The following PRDM16 variants were observed in gnomAD, a reference collection of about 807,000 sequenced individuals.
The protein encoded by PRDM16 is histone-lysine N-methyltransferase PRDM16.
Under a neutral mutation model 110.6 loss-of-function variants are expected in PRDM16, and 23 were observed. The ratio of observed to expected loss-of-function variants is 0.21; its 90% CI spans 0.15 to 0.29. PRDM16 has a LOEUF of 0.29. PRDM16 is among the 10% of genes least tolerant of loss of function. The pLI is 1.00. For synonymous variants in PRDM16, 799 were observed against 781.8 expected, an observed-to-expected ratio of 1.02 and a Z score of -0.37; for missense variants, 1,615 against 1,794.3, an observed-to-expected ratio of 0.90 and a Z score of 1.81.
At chr1:3,365,850 G>A (rs919485783) in intron 3 of PRDM16, among the ~76,000 whole-genome samples, 4 of 152,220 alleles carry the variant, frequency 2.6e-5, no homozygotes, top group African/African-American at 4.8e-5. Context: ...CTGCAGGGAC[G>A]ACTTTGAAGG....
chr1:3,158,734 T>C (rs1643876306), intron 1 of PRDM16, among the ~76,000 whole-genome samples: 1 of 151,764 alleles, frequency 6.6e-6, no homozygotes, highest in Non-Finnish European at 1.5e-5. Context: ...CTTTCTTCCC[T>C]TTCTTCCCTT....
At chr1:3,085,786 G>A (rs2742678) in intron 1 of PRDM16, among the ~76,000 whole-genome samples, 131,337 of 152,246 alleles carry the variant, frequency 0.86, 56,735 homozygotes, top group East Asian at 0.98. Flanking sequence ...GGTCGGGTGG[G>A]CAGCAGGTGG....
At chr1:3,410,229 A>C (rs1643661989) in intron 8 of PRDM16, among the ~76,000 whole-genome samples, 1 of 152,104 alleles carries the variant, frequency 6.6e-6, no homozygotes, top group African/African-American at 2.4e-5. Context: ...GGCAAAAGAC[A>C]AGCTGGTGAT....
At chr1:3,340,443 G>A (rs542449340) in intron 3 of PRDM16, among the ~76,000 whole-genome samples, 4 of 152,294 alleles carry the variant, frequency 2.6e-5, no homozygotes, top group Admixed American at 6.5e-5. Context: ...ACCCGCTCCC[G>A]GAGAGCCAGC....
chr1:3,180,555 C>T (rs957082844), intron 1 of PRDM16, among the ~76,000 whole-genome samples: 1 of 152,146 alleles, frequency 6.6e-6, no homozygotes, highest in African/African-American at 2.4e-5. Flanking sequence ...CCGAGGGCCG[C>T]AAAAGTAAAG....
At chr1:3,112,844 G>A (rs932213679) in intron 1 of PRDM16, among the ~76,000 whole-genome samples, 14 of 152,254 alleles carry the variant, frequency 9.2e-5, no homozygotes, top group Non-Finnish European at 2.1e-4. Context: ...AGCCCCGAGG[G>A]CCCGCCTGGG....
intron 2 of PRDM16, among the ~76,000 whole-genome samples, chr1:3,195,574 A>G (rs1244368341): frequency 6.6e-6 from 1 of 151,306 alleles, no homozygotes; most frequent in Non-Finnish European, 1.5e-5. Flanking sequence ...TGCCAATCGC[A>G]TCCCACACGC....
intron 2 of PRDM16, among the ~76,000 whole-genome samples, chr1:3,224,932 G>A (rs939940125): frequency 2.0e-5 from 3 of 152,204 alleles, no homozygotes; most frequent in Non-Finnish European, 4.4e-5. Flanking sequence ...GGACTCTGGC[G>A]GGGCCACAGG....
At chr1:3,238,691 C>T (rs905053537) in intron 2 of PRDM16, among the ~76,000 whole-genome samples, 15 of 152,318 alleles carry the variant, frequency 9.8e-5, no homozygotes, top group African/African-American at 1.7e-4. Context: ...GGAGCCCACA[C>T]GGCCGGAGGG....
chr1:3,193,760 AG>A (rs1638379816), intron 2 of PRDM16, among the ~76,000 whole-genome samples: 1 of 151,972 alleles, frequency 6.6e-6, no homozygotes, highest in Non-Finnish European at 1.5e-5. Context: ...GTACTGGGGG[AG>A]GGGGTGGTCA....
chr1:3,114,977 G>GCCCAC (rs1642923032), intron 1 of PRDM16, among the ~76,000 whole-genome samples: 2 of 152,372 alleles, frequency 1.3e-5, no homozygotes, highest in South Asian at 2.1e-4. Flanking sequence ...TCGCCCCTGG[G>GCCCAC]CCCACCCCAC....
intron 1 of PRDM16, among the ~76,000 whole-genome samples, chr1:3,108,461 G>A (rs1642715533): frequency 6.6e-6 from 1 of 152,330 alleles, no homozygotes; most frequent in South Asian, 2.1e-4. Context: ...CTCTGTGACA[G>A]TCAAAGTTTT....
intron 3 of PRDM16, among the ~76,000 whole-genome samples, chr1:3,380,262 A>G (rs1398458956): frequency 6.6e-6 from 1 of 151,692 alleles, no homozygotes; most frequent in Non-Finnish European, 1.5e-5. Flanking sequence ...CCCCCCTCAG[A>G]GGTGCCCCTC....
At chr1:3,150,945 G>C (rs1350548132) in intron 1 of PRDM16, among the ~76,000 whole-genome samples, 1 of 82,542 alleles carries the variant, frequency 1.2e-5, no homozygotes, top group Non-Finnish European at 2.3e-5. Context: ...GCTGGTCCTA[G>C]AGCTATGGAA....
intron 3 of PRDM16, among the ~76,000 whole-genome samples, chr1:3,369,414 G>A (rs527949444): frequency 1.3e-5 from 2 of 152,344 alleles, no homozygotes; most frequent in South Asian, 4.1e-4. Context: ...GTGGTCTCTG[G>A]CTGGGATGCT....
intron 1 of PRDM16, among the ~76,000 whole-genome samples, chr1:3,184,000 C>T (rs200152804): frequency 6.6e-6 from 1 of 152,154 alleles, no homozygotes. Flanking sequence ...AATTACCACC[C>T]CCCCCAATGT....
chr1:3,337,806 G>A (rs912791221), intron 3 of PRDM16, among the ~76,000 whole-genome samples: 3 of 152,174 alleles, frequency 2.0e-5, no homozygotes, highest in African/African-American at 7.2e-5. Flanking sequence ...CTGGTGACCT[G>A]GAGCATGACA....
chr1:3,422,760 G>A (rs972168986), intron 12 of PRDM16, among the ~76,000 whole-genome samples: 1 of 152,256 alleles, frequency 6.6e-6, no homozygotes, highest in Non-Finnish European at 1.5e-5. Flanking sequence ...TCTTGTGTGA[G>A]TTCACAGGCC....
At chr1:3,269,837 A>AGAGAATGACAGG (rs1640394101) in intron 3 of PRDM16, among the ~76,000 whole-genome samples, 1 of 82,038 alleles carries the variant, frequency 1.2e-5, no homozygotes, top group African/African-American at 1.5e-4. Flanking sequence ...GGACAGTCCC[A>AGAGAATGACAGG]GAGGATGAAA....
Sources: gnomAD v4.1 joint callset for allele counts (sites outside exome capture counted in the v4.1 genomes callset) on GRCh38, gnomAD v4.1.1 for gene constraint, MANE v1.5 for transcripts, NCBI Gene and HGNC (gene_info 2026-07-23, HGNC 2026-07-21) for gene names.